The following MDGA2 variants were observed in gnomAD, a reference collection of about 807,000 sequenced individuals.
MDGA2 encodes the protein MAM domain-containing glycosylphosphatidylinositol anchor protein 2.
Under a neutral mutation model 117.8 loss-of-function variants are expected in MDGA2, and 40 were observed. The observed-to-expected ratio is 0.34, with a 90% CI of 0.26 to 0.44. MDGA2 has a LOEUF of 0.44. MDGA2 is among the 20% of genes least tolerant of loss of function. MDGA2 has a pLI of 1.00. For missense variants in MDGA2, 1,123 were observed against 1,250.6 expected (o/e 0.90, Z 1.54); for synonymous variants, 452 against 439.0 (o/e 1.03, Z -0.37).
chr14:47,632,379 A>G (rs2138225801), intron 1 of MDGA2, among the ~76,000 whole-genome samples: 1 of 152,302 alleles, frequency 6.6e-6, no homozygotes, highest in Middle Eastern at 3.4e-3. Context: ...TCTTCTTGAT[A>G]TCATCCTTAC....
chr14:47,245,483 A>G (rs1471426881), intron 2 of MDGA2, among the ~76,000 whole-genome samples: 4 of 151,662 alleles, frequency 2.6e-5, no homozygotes, highest in Non-Finnish European at 5.9e-5. Context: ...CAGTGCCCCT[A>G]CCCACTGGGT....
At chr14:47,279,256 T>C (rs537980923) in intron 2 of MDGA2, among the ~76,000 whole-genome samples, 2 of 152,292 alleles carry the variant, frequency 1.3e-5, no homozygotes, top group East Asian at 3.9e-4. Flanking sequence ...TATCAATTAC[T>C]TTTTTCTCTA....
At chr14:46,949,969 T>C (rs1018701570) in intron 9 of MDGA2, among the ~76,000 whole-genome samples, 1 of 151,912 alleles carries the variant, frequency 6.6e-6, no homozygotes, top group Non-Finnish European at 1.5e-5. Context: ...TAAATGATTT[T>C]ATAATGAAGA....
At chr14:47,127,280 C>T (rs1033288326) in intron 5 of MDGA2, among the ~76,000 whole-genome samples, 4 of 152,024 alleles carry the variant, frequency 2.6e-5, no homozygotes, top group African/African-American at 9.7e-5. Context: ...ACTTATGTTC[C>T]TCTTCCACTA....
intron 5 of MDGA2, among the ~76,000 whole-genome samples, chr14:47,119,979 C>G (rs1189077560): frequency 6.6e-6 from 1 of 152,048 alleles, no homozygotes; most frequent in Non-Finnish European, 1.5e-5. Context: ...ATAAAATTAC[C>G]TCTATTTGGT....
chr14:47,661,297 T>C (rs1050489554), intron 1 of MDGA2, among the ~76,000 whole-genome samples: 3 of 152,228 alleles, frequency 2.0e-5, no homozygotes, highest in Non-Finnish European at 4.4e-5. Flanking sequence ...CTTCAGATTT[T>C]GCATCTATCT....
intron 1 of MDGA2, among the ~76,000 whole-genome samples, chr14:47,397,378 G>C (rs1359371062): frequency 1.3e-5 from 2 of 151,920 alleles, no homozygotes; most frequent in Non-Finnish European, 1.5e-5. Flanking sequence ...TACCTAATGT[G>C]GATGATGGGT....
chr14:47,590,586 A>G (rs1185882277), intron 1 of MDGA2, among the ~76,000 whole-genome samples: 2 of 152,096 alleles, frequency 1.3e-5, no homozygotes, highest in South Asian at 2.1e-4. Context: ...TTAAGTCAAG[A>G]TATCTGATAG....
chr14:46,976,242 C>G (rs1466568510), intron 8 of MDGA2, among the ~76,000 whole-genome samples: 1 of 151,772 alleles, frequency 6.6e-6, no homozygotes, highest in Non-Finnish European at 1.5e-5. Flanking sequence ...ACCACAATAA[C>G]AAAAATGAAG....
At chr14:47,503,714 T>C (rs1453849349) in intron 1 of MDGA2, among the ~76,000 whole-genome samples, 2 of 152,158 alleles carry the variant, frequency 1.3e-5, no homozygotes, top group African/African-American at 4.8e-5. Context: ...TCCTCTACTA[T>C]CTTAACTTTA....
At chr14:47,048,747 G>A (rs1889351621) in intron 7 of MDGA2, among the ~76,000 whole-genome samples, 1 of 152,026 alleles carries the variant, frequency 6.6e-6, no homozygotes, top group African/African-American at 2.4e-5. Context: ...GTTCTTTAGA[G>A]CAAATGAGGT....
At chr14:46,935,050 T>C (rs1365915783) in intron 9 of MDGA2, among the ~76,000 whole-genome samples, 1 of 152,022 alleles carries the variant, frequency 6.6e-6, no homozygotes, top group African/African-American at 2.4e-5. Context: ...AAAAGAGTTA[T>C]GCCACTTATT....
chr14:47,130,546 T>C (rs1158841228), intron 5 of MDGA2, among the ~76,000 whole-genome samples: 2 of 152,202 alleles, frequency 1.3e-5, no homozygotes, highest in African/African-American at 4.8e-5. Flanking sequence ...GATGAACCAA[T>C]GTCATAGTTG....
At chr14:47,263,076 C>T (rs183325400) in intron 2 of MDGA2, among the ~76,000 whole-genome samples, 1 of 152,138 alleles carries the variant, frequency 6.6e-6, no homozygotes, top group East Asian at 1.9e-4. Context: ...GCAAATTTAG[C>T]AGGGTAATTC....
intron 1 of MDGA2, among the ~76,000 whole-genome samples, chr14:47,529,664 A>C (rs1007505239): frequency 3.9e-5 from 6 of 152,164 alleles, no homozygotes; most frequent in African/African-American, 1.4e-4. Flanking sequence ...TGAACCCTTG[A>C]CTTAAATTGC....
At chr14:47,192,499 C>T (rs1885152395) in intron 3 of MDGA2, among the ~76,000 whole-genome samples, 1 of 151,936 alleles carries the variant, frequency 6.6e-6, no homozygotes, top group Non-Finnish European at 1.5e-5. Context: ...GCTGTAGTCC[C>T]AGCTACTTGG....
chr14:46,937,976 G>T (rs1361927271), intron 9 of MDGA2, among the ~76,000 whole-genome samples: 2 of 152,062 alleles, frequency 1.3e-5, no homozygotes, highest in Admixed American at 6.6e-5. Flanking sequence ...CAAAAAGCTT[G>T]TGAACATCAA....
chr14:47,433,696 G>A (rs1892843374), intron 1 of MDGA2, among the ~76,000 whole-genome samples: 1 of 152,106 alleles, frequency 6.6e-6, no homozygotes, highest in South Asian at 2.1e-4. Context: ...CCATGAAAAT[G>A]GAATAAAGCT....
intron 9 of MDGA2, among the ~76,000 whole-genome samples, chr14:46,943,520 A>G (rs983983300): frequency 6.6e-6 from 1 of 152,044 alleles, no homozygotes; most frequent in African/African-American, 2.4e-5. Context: ...AAGGATTTTT[A>G]TATGGCTTAA....
Sources: gnomAD v4.1 joint callset for allele counts (sites outside exome capture counted in the v4.1 genomes callset) on GRCh38, gnomAD v4.1.1 for gene constraint, MANE v1.5 for transcripts, NCBI Gene and HGNC (gene_info 2026-07-23, HGNC 2026-07-21) for gene names.